The following LRRC1 variants were observed in gnomAD, a reference collection of about 807,000 sequenced individuals.
The protein encoded by LRRC1 is leucine-rich repeat-containing protein 1.
In LRRC1, 28 loss-of-function variants were observed where a neutral mutation model predicts 69.9. That is an observed-to-expected ratio of 0.40 (90% CI 0.30 to 0.55). The LOEUF is 0.55. Ranked by LOEUF, LRRC1 falls within the 20% of genes least tolerant of loss-of-function variation. LRRC1 has a pLI of 0.47. For synonymous variants in LRRC1, 236 were observed against 240.2 expected (o/e 0.98, Z 0.16); for missense variants, 498 against 609.0 (o/e 0.82, Z 1.92).
chr6:53,836,770 C>T (rs531221153), intron 1 of LRRC1, among the ~76,000 whole-genome samples: 1 of 152,296 alleles, frequency 6.6e-6, no homozygotes, highest in South Asian at 2.1e-4. Flanking sequence ...ATTACCATGA[C>T]TCCAAAAACT....
At chr6:53,830,553 T>G (rs368068442) in intron 1 of LRRC1, among the ~76,000 whole-genome samples, 4 of 152,240 alleles carry the variant, frequency 2.6e-5, no homozygotes, top group Admixed American at 2.0e-4. Context: ...CATAACTGTT[T>G]GTGAGTTGCT....
At chr6:53,867,118 G>A (rs761911308) in intron 2 of LRRC1, among the ~76,000 whole-genome samples, 1 of 152,092 alleles carries the variant, frequency 6.6e-6, no homozygotes, top group Non-Finnish European at 1.5e-5. Flanking sequence ...AAACTTGGAC[G>A]AGTCCCTTAC....
chr6:53,891,559 C>T (rs1053895042), intron 4 of LRRC1, among the ~76,000 whole-genome samples: 2 of 151,276 alleles, frequency 1.3e-5, no homozygotes, highest in Non-Finnish European at 2.9e-5. Context: ...TATACATTCA[C>T]ACCTAAAGAA....
intron 1 of LRRC1, among the ~76,000 whole-genome samples, chr6:53,815,376 C>A (rs1764922530): frequency 6.6e-6 from 1 of 152,186 alleles, no homozygotes; most frequent in Non-Finnish European, 1.5e-5. Context: ...CCATCAGGCA[C>A]GGCATATAGC....
intron 2 of LRRC1, among the ~76,000 whole-genome samples, chr6:53,868,270 G>A (rs1766773422): frequency 6.7e-6 from 1 of 148,204 alleles, no homozygotes; most frequent in African/African-American, 2.5e-5. Context: ...GCCTTAGGCT[G>A]GAGTACAGTG....
intron 1 of LRRC1, among the ~76,000 whole-genome samples, chr6:53,840,251 GGT>G (rs1233752018): frequency 6.6e-6 from 1 of 152,000 alleles, no homozygotes; most frequent in Non-Finnish European, 1.5e-5. Flanking sequence ...AGTTTGGCTG[GGT>G]ATATAATTTT....
intron 1 of LRRC1, among the ~76,000 whole-genome samples, chr6:53,819,341 T>TAGG (rs1267920623): frequency 2.6e-5 from 4 of 152,214 alleles, no homozygotes; most frequent in African/African-American, 4.8e-5. Context: ...CAGGTAGAAC[T>TAGG]AGGAGGAGGA....
intron 2 of LRRC1, among the ~76,000 whole-genome samples, chr6:53,868,244 C>T (rs1251502012): frequency 1.4e-4 from 19 of 139,642 alleles, no homozygotes; most frequent in Non-Finnish European, 2.0e-4. Context: ...TTTTTTGAGA[C>T]GGAGTTTCAC....
chr6:53,872,383 A>G (rs1239711172), intron 2 of LRRC1, among the ~76,000 whole-genome samples: 2 of 152,144 alleles, frequency 1.3e-5, no homozygotes, highest in African/African-American at 2.4e-5. Flanking sequence ...ACTGAACCCA[A>G]TTTGTAGTGA....
intron 10 of LRRC1, among the ~76,000 whole-genome samples, chr6:53,911,121 C>G (rs1444199216): frequency 6.6e-6 from 1 of 152,160 alleles, no homozygotes; most frequent in Non-Finnish European, 1.5e-5. Flanking sequence ...CTAAGAGGCT[C>G]TTGTACGCAA....
At chr6:53,859,260 G>A (rs1459070668) in intron 2 of LRRC1, among the ~76,000 whole-genome samples, 2 of 152,218 alleles carry the variant, frequency 1.3e-5, no homozygotes. Flanking sequence ...ATTATGGCCT[G>A]TTTTCCTTCA....
intron 2 of LRRC1, among the ~76,000 whole-genome samples, chr6:53,852,206 A>G (rs1430064763): frequency 6.6e-6 from 1 of 152,224 alleles, no homozygotes; most frequent in Non-Finnish European, 1.5e-5. Flanking sequence ...CCACTAAATT[A>G]GAAGTATGCT....
intron 2 of LRRC1, among the ~76,000 whole-genome samples, chr6:53,865,729 C>CT (rs34777776): frequency 0.83 from 122,092 of 147,730 alleles, 50,573 homozygotes; most frequent in East Asian, 0.96. Context: ...CTCAGTCTTT[C>CT]TTTTTTTTTT....
At chr6:53,815,363 G>T (rs1044634831) in intron 1 of LRRC1, among the ~76,000 whole-genome samples, 2 of 152,170 alleles carry the variant, frequency 1.3e-5, no homozygotes, top group African/African-American at 4.8e-5. Flanking sequence ...GAGGATGATG[G>T]TTCCATCAGG....
At chr6:53,832,062 G>A (rs1461720013) in intron 1 of LRRC1, among the ~76,000 whole-genome samples, 2 of 152,094 alleles carry the variant, frequency 1.3e-5, no homozygotes, top group South Asian at 2.1e-4. Flanking sequence ...TCTTCCTAAC[G>A]CAGTTCCTCT....
At chr6:53,881,215 T>A (rs894936989) in intron 3 of LRRC1, among the ~76,000 whole-genome samples, 4 of 152,246 alleles carry the variant, frequency 2.6e-5, no homozygotes, top group Admixed American at 2.6e-4. Context: ...TTTGGCTTGC[T>A]TATTTTATGG....
At chr6:53,878,218 G>A (rs749602091) in intron 2 of LRRC1, among the ~76,000 whole-genome samples, 2 of 152,156 alleles carry the variant, frequency 1.3e-5, no homozygotes, top group African/African-American at 2.4e-5. Context: ...CAACACATGG[G>A]AATTCAAGAT....
intron 2 of LRRC1, among the ~76,000 whole-genome samples, chr6:53,856,180 GCTTCA>G (rs1217798292): frequency 6.6e-6 from 1 of 152,252 alleles, no homozygotes; most frequent in African/African-American, 2.4e-5. Context: ...AACAGTGTAT[GCTTCA>G]TTGTGATAAG....
chr6:53,808,379 T>A (rs187023727), intron 1 of LRRC1, among the ~76,000 whole-genome samples: 5 of 152,090 alleles, frequency 3.3e-5, no homozygotes, highest in African/African-American at 1.2e-4. Flanking sequence ...AACTGCAAAG[T>A]ACTTGAGTTG....
Sources: allele counts gnomAD v4.1 joint callset (sites outside exome capture counted in the v4.1 genomes callset), GRCh38; gene constraint gnomAD v4.1.1; transcripts MANE v1.5; gene names NCBI Gene and HGNC (gene_info 2026-07-23, HGNC 2026-07-21).